Variants in STAC2 observed in about 807,000 individuals in gnomAD.
STAC2 encodes SH3 and cysteine rich domain 2.
Under a neutral mutation model 49.0 loss-of-function variants are expected in STAC2, and 36 were observed. That is an observed-to-expected ratio of 0.74 (90% CI 0.56 to 0.97). The LOEUF (loss-of-function observed/expected upper bound fraction) is 0.97, where lower values mean the gene tolerates loss of function less well. Ranked by LOEUF, STAC2 falls within the 50% of genes least tolerant of loss-of-function variation. The pLI, the probability that STAC2 is intolerant of heterozygous loss-of-function variation, is 0.00. For missense variants in STAC2, 527 were observed against 543.8 expected, an observed-to-expected ratio of 0.97 and a Z score of 0.31; for synonymous variants, 239 against 214.7, an observed-to-expected ratio of 1.11 and a Z score of -0.99.
chr17:39,221,892 C>T (rs763858751), intron 1 of STAC2, among the ~76,000 whole-genome samples: 15 of 152,212 alleles, frequency 9.9e-5, no homozygotes, highest in Non-Finnish European at 1.9e-4. Flanking sequence ...CTAGAGCAGT[C>T]CCCAACTCAT....
At chr17:39,223,373 T>G (rs2046480256) in intron 1 of STAC2, among the ~76,000 whole-genome samples, 3 of 152,108 alleles carry the variant, frequency 2.0e-5, no homozygotes, top group Non-Finnish European at 4.4e-5. Flanking sequence ...CACAGCCCAG[T>G]CTGTGTTAGT....
intron 1 of STAC2, among the ~76,000 whole-genome samples, chr17:39,219,082 C>T (rs1348758184): frequency 2.0e-5 from 3 of 152,262 alleles, no homozygotes; most frequent in African/African-American, 7.2e-5. Flanking sequence ...TCCACCTGTC[C>T]TCCATACAGC....
At position 39,218,167 on chromosome 17, in the gene STAC2, G is replaced by T. The variant is rs371443658; in HGVS notation, c.97C>A (p.Arg33=). 1.6e-5 allele frequency: 26 copies of T among 1,613,250 alleles called. No individual in the cohort carries two copies. Among genetic ancestry groups the T allele is most frequent in the African/African-American group, 2.7e-5 (2 of 74,916 alleles). ...TTGAGGGAGAGGGAGCGCTTGAATCGCTGGAGCTGGGAGAAAAAGAGGGAG... is the reference window on the plus strand; with the variant it reads ...TTGAGGGAGAGGGAGCGCTTGAATCTCTGGAGCTGGGAGAAAAAGAGGGAG... ...VSALQETKLQ[R]FKRSLSLKTI... Residue 33 remains arginine (R), a synonymous_variant, in exon 2 of 11, where the codon CGA becomes AGA. Coordinates refer to ENST00000333461, the MANE Select transcript of STAC2 (RefSeq NM_198993.5).
chr17:39,215,743 G>A (rs574011078), intron 4 of STAC2, among the ~76,000 whole-genome samples: 25 of 151,834 alleles, frequency 1.6e-4, no homozygotes, highest in Non-Finnish European at 2.8e-4. Flanking sequence ...TCGCTCTGCC[G>A]CCCAGGCTGG....
At chr17:39,217,593 TG>T (rs1425026783) in intron 2 of STAC2, among the ~76,000 whole-genome samples, 1 of 152,046 alleles carries the variant, frequency 6.6e-6, no homozygotes, top group Admixed American at 6.6e-5. Context: ...CATGGTAGTG[TG>T]TGCCTGCAGT....
At chr17:39,220,482 CTT>C (rs11407976) in intron 1 of STAC2, among the ~76,000 whole-genome samples, 7 of 147,702 alleles carry the variant, frequency 4.7e-5, no homozygotes, top group Non-Finnish European at 7.5e-5. Flanking sequence ...CCTAGATACT[CTT>C]TTTTTTTTTT....
At position 39,212,545 on chromosome 17, in the gene STAC2, G is replaced by A. The variant is rs2046363850; in HGVS notation, c.1132-149C>T. 6 of 632,588 alleles carry A rather than the reference G, an allele frequency of 9.5e-6. No homozygotes were observed. The East Asian group carries it at 1.4e-4, about 14-fold the overall frequency. The allele number at this position is 632,588 out of a possible 1,614,324, so 39.2% of individuals were successfully genotyped here. A position where few individuals can be genotyped will look rare whatever the true frequency, so the allele number is the denominator to read the frequency against. ...GCCCTTTGCTGGAGTGATGGGACCA[G>A]ATCCCAGGAGTGTAGAGGCCTCAGC... On this transcript the variant is annotated intron_variant, in intron 10 of 10. Coordinates refer to ENST00000333461, the MANE Select transcript of STAC2 (RefSeq NM_198993.5).
At chr17:39,215,315 TC>T (rs2046392847) in intron 4 of STAC2, 85 bp from the exon 5 acceptor site, 1 of 1,400,146 alleles carries the variant, frequency 7.1e-7, no homozygotes, top group Non-Finnish European at 1.0e-6. Flanking sequence ...AGGCTGAGCT[TC>T]CCAGCTGCCC....
At chr17:39,218,370 A>G (rs2046429983) in intron 1 of STAC2, among the ~76,000 whole-genome samples, 197 bp from the exon 2 acceptor site, 1 of 152,154 alleles carries the variant, frequency 6.6e-6, no homozygotes, top group Non-Finnish European at 1.5e-5. Flanking sequence ...CTCAGGTGCC[A>G]CAAAAGCCAG....
At chr17:39,219,510 T>G (rs181655005) in intron 1 of STAC2, among the ~76,000 whole-genome samples, 149 of 152,268 alleles carry the variant, frequency 9.8e-4, no homozygotes, top group Non-Finnish European at 1.9e-3. Context: ...TATTTATTTC[T>G]CACTCCCCCA....
intron 4 of STAC2, 31 bp downstream of exon 4, chr17:39,216,779 A>G: frequency 1.3e-6 from 2 of 1,550,656 alleles, no homozygotes; most frequent in African/African-American, 1.4e-5. Context: ...CCACAATGGG[A>G]GCAGGGACTG....
chr17:39,213,920 G>GC (rs2144230745), intron 8 of STAC2, among the ~76,000 whole-genome samples: 1 of 152,132 alleles, frequency 6.6e-6, no homozygotes, highest in South Asian at 2.1e-4. Flanking sequence ...CAAGTGATCT[G>GC]CCAGCCTCAG....
chr17:39,218,086 G>A lies in STAC2; in HGVS notation c.178C>T (p.Leu60Phe), dbSNP rs1168527966. The stretch of plus-strand genomic sequence containing the variant: ...AGCAGCACCTCGGTGGGGCACTTGA[G>A]CTCAGAGCCCGAGCGAAGGAAGAAG... Reference protein sequence around the residue: ...ENFFLRSGSELKCPTEVLLTP... With the variant: ...ENFFLRSGSEFKCPTEVLLTP... Residue 60 changes from leucine (L) to phenylalanine (F), a missense_variant, in exon 2 of 11, where the codon CTC becomes TTC. By Grantham distance (22) the Leu-to-Phe change is conservative. Coordinates refer to ENST00000333461, the MANE Select transcript of STAC2 (RefSeq NM_198993.5). The A allele has an allele frequency of 6.2e-7, 1 of 1,612,726 alleles. No homozygotes were observed. The highest frequency in any genetic ancestry group is 1.7e-5 in the Admixed American group (1 of 60,002).
intron 10 of STAC2, among the ~76,000 whole-genome samples, chr17:39,212,764 C>G (rs619741): frequency 0.066 from 10,122 of 152,322 alleles, 380 homozygotes; most frequent in Non-Finnish European, 0.084. Context: ...CCTGCGCTAA[C>G]CCAAGCTCCC....
In STAC2 at chr17:39,225,771, G is replaced by C; in HGVS notation, c.-269C>G. ...GTCTGCAGAGGATGCTGCTCGCAGC[G>C]CGGGGAGGAGGGAAGTGGGGCCGCG... is the stretch of plus-strand genomic sequence containing the variant. On this transcript the variant is annotated 5_prime_UTR_variant, in exon 1 of 11. Transcript: ENST00000333461. This position sits in a 1 kb window ranked among gnomAD's most constrained non-coding sequence, Gnocchi z 8.2. 1 of 485,024 alleles carries C rather than the reference G, an allele frequency of 2.1e-6. No homozygotes were observed. The highest frequency in any genetic ancestry group is 3.7e-6 in the Non-Finnish European group (1 of 271,318). The allele number at this position is 485,024 out of a possible 1,614,324, so 30.0% of individuals were successfully genotyped here. A position where few individuals can be genotyped will look rare whatever the true frequency, so the allele number is the denominator to read the frequency against.
chr17:39,213,449 G>A (rs944833599), intron 9 of STAC2, 58 bp downstream of exon 9: 4 of 1,599,988 alleles, frequency 2.5e-6, no homozygotes, highest in South Asian at 2.2e-5. Context: ...GCCCATTGGG[G>A]GTGGGGGCTG....
chr17:39,219,164 C>T (rs2046438485), intron 1 of STAC2, among the ~76,000 whole-genome samples: 1 of 152,118 alleles, frequency 6.6e-6, no homozygotes, highest in Non-Finnish European at 1.5e-5. Flanking sequence ...AAGGCTCTCG[C>T]CCCAGCCACG....
chr17:39,214,278 G>A lies in STAC2; in HGVS notation c.896C>T (p.Ala299Val). 1 of 1,614,078 alleles carries A rather than the reference G, an allele frequency of 6.2e-7. No individual in the cohort carries two copies. Among genetic ancestry groups the A allele is most frequent in the East Asian group, 2.2e-5 (1 of 44,880 alleles). Residue 299 changes from alanine to valine, a missense_variant, in exon 8 of 11, where the codon GCA becomes GTA. Transcript: ENST00000333461. The stretch of plus-strand genomic sequence containing the variant: ...CTCCTGGGGCAGAAACTTGTAGAGT[G>A]CAACGTAGGAGTACATGGGCCCCAC... ...KDVGPMYSYVALYKFLPQENN... is the reference protein window; with the variant it reads ...KDVGPMYSYVVLYKFLPQENN...
Position 39,225,593 on chromosome 17 carries a change from A to C in STAC2, c.-91T>G. ...GGTGGCGGGCGTCTCCGGGACTCTG[A>C]AGCCGTTCTCCAGAGGCTGCCCCCA... On this transcript the variant is annotated 5_prime_UTR_variant, in exon 1 of 11. Coordinates refer to ENST00000333461, the MANE Select transcript of STAC2 (RefSeq NM_198993.5). This position sits in a 1 kb window ranked among gnomAD's most constrained non-coding sequence, Gnocchi z 8.2. The C allele has an allele frequency of 1.6e-6, 2 of 1,257,896 alleles. No homozygotes were observed. Among genetic ancestry groups the C allele is most frequent in the Non-Finnish European group, 2.3e-6 (2 of 883,042 alleles). 77.9% of individuals were successfully genotyped at this position (1,257,896 alleles called of 1,614,324 possible).
Sources: gnomAD v4.1 joint callset for allele counts (sites outside exome capture counted in the v4.1 genomes callset) on GRCh38, gnomAD v4.1.1 for gene constraint, Gnocchi (gnomAD v3.1) non-coding constraint, MANE v1.5 for transcripts, NCBI Gene and HGNC (gene_info 2026-07-23, HGNC 2026-07-21) for gene names.